FMN2: variants seen among roughly 807,000 people sequenced by gnomAD.
The protein encoded by FMN2 is formin-2.
Under a neutral mutation model 142.3 loss-of-function variants are expected in FMN2, and 51 were observed. The observed-to-expected ratio is 0.36, with a 90% confidence interval of 0.29 to 0.45. The LOEUF (loss-of-function observed/expected upper bound fraction) is 0.45, where lower values mean the gene tolerates loss of function less well. Among genes scored for constraint, FMN2 ranks in the 20% least tolerant of loss-of-function variants. The probability of loss-of-function intolerance (pLI) is 1.00; values close to 1 mark genes in which losing one functional copy is unlikely to be tolerated. For missense variants in FMN2, 1,936 were observed against 2,122.8 expected (o/e 0.91, Z 1.73); for synonymous variants, 882 against 869.8 (o/e 1.01, Z -0.25).
At chr1:240,195,880 C>T (rs547272103) in intron 4 of FMN2, among the ~76,000 whole-genome samples, 1 of 152,052 alleles carries the variant, frequency 6.6e-6, no homozygotes, top group East Asian at 1.9e-4. Flanking sequence ...AAACAGCTGG[C>T]CATGGTGGCA....
At chr1:240,295,210 A>T (rs76354578) in intron 8 of FMN2, among the ~76,000 whole-genome samples, 4 of 120,136 alleles carry the variant, frequency 3.3e-5, no homozygotes, top group South Asian at 5.5e-4. Flanking sequence ...ACACACACAC[A>T]CACACACACA....
intron 8 of FMN2, among the ~76,000 whole-genome samples, chr1:240,303,357 A>G (rs1434683099): frequency 6.6e-6 from 1 of 152,186 alleles, no homozygotes; most frequent in Non-Finnish European, 1.5e-5. Context: ...AGTGATAATA[A>G]ACTTTTCCAG....
intron 2 of FMN2, among the ~76,000 whole-genome samples, chr1:240,129,148 A>G (rs903424353): frequency 1.5e-4 from 23 of 152,138 alleles, no homozygotes; most frequent in Non-Finnish European, 2.2e-4. Flanking sequence ...TGCTGGGATT[A>G]TAGGTGTGAG....
chr1:240,352,453 G>C (rs974008414), intron 13 of FMN2, among the ~76,000 whole-genome samples: 6 of 152,072 alleles, frequency 3.9e-5, no homozygotes, highest in African/African-American at 1.4e-4. Context: ...GTGGTGGCAG[G>C]CGCCTGTAAT....
intron 16 of FMN2, among the ~76,000 whole-genome samples, chr1:240,453,302 C>T (rs1247294009): frequency 1.3e-5 from 2 of 152,148 alleles, no homozygotes; most frequent in African/African-American, 2.4e-5. Context: ...AGCCACCCTT[C>T]CTTAGGTTTG....
chr1:240,159,608 T>G (rs1404578847), intron 2 of FMN2, among the ~76,000 whole-genome samples: 1 of 152,100 alleles, frequency 6.6e-6, no homozygotes, highest in South Asian at 2.1e-4. Flanking sequence ...ATCCAACTTG[T>G]AGCCATGTCG....
chr1:240,168,576 G>A (rs768240606), intron 2 of FMN2, among the ~76,000 whole-genome samples: 2 of 152,146 alleles, frequency 1.3e-5, no homozygotes, highest in Non-Finnish European at 2.9e-5. Context: ...GCCACAGAAT[G>A]AGACCCCATC....
intron 7 of FMN2, among the ~76,000 whole-genome samples, chr1:240,264,669 A>T (rs943046948): frequency 3.3e-5 from 5 of 152,134 alleles, no homozygotes; most frequent in African/African-American, 1.2e-4. Flanking sequence ...GCTGAGAATG[A>T]TGGTTTCCAG....
At chr1:240,375,443 A>G (rs1673011560) in intron 14 of FMN2, among the ~76,000 whole-genome samples, 1 of 152,252 alleles carries the variant, frequency 6.6e-6, no homozygotes, top group Non-Finnish European at 1.5e-5. Context: ...TATACCTGCA[A>G]TGAGATGTTA....
At chr1:240,416,537 T>C (rs946976075) in intron 15 of FMN2, among the ~76,000 whole-genome samples, 14 of 152,188 alleles carry the variant, frequency 9.2e-5, no homozygotes, top group African/African-American at 3.4e-4. Flanking sequence ...CCCAAAGTGC[T>C]GGGATTACAG....
At position 240,329,451 on chromosome 1, in the gene FMN2, C is replaced by T. The variant is rs771955130; in HGVS notation, c.4420C>T (p.Leu1474=). ...ICSIRRKLEL[L]QKLCETLKNG... ...CTCAATTCGTCGCAAACTGGAATTACTACAGAAATTGTGTGAGGTGAGTTC... is the reference window on the plus strand; with the variant it reads ...CTCAATTCGTCGCAAACTGGAATTATTACAGAAATTGTGTGAGGTGAGTTC... The change falls in exon 10 of 18, where the codon CTA becomes TTA. Residue 1474 remains leucine (L), a synonymous_variant. Coordinates refer to ENST00000319653, the MANE Select transcript of FMN2 (RefSeq NM_020066.5). 3.1e-6 allele frequency: 5 copies of T among 1,613,934 alleles called. No homozygotes were observed. The East Asian group carries it at 8.9e-5, about 29-fold the overall frequency.
At chr1:240,463,969 C>G (rs1463616180) in intron 16 of FMN2, among the ~76,000 whole-genome samples, 2 of 151,936 alleles carry the variant, frequency 1.3e-5, no homozygotes, top group Non-Finnish European at 1.5e-5. Flanking sequence ...TGCTACTGTA[C>G]TCCAGTCTGG....
chr1:240,472,241 C>T, intron 16 of FMN2, 131 bp from the exon 17 acceptor site: 1 of 657,978 alleles, frequency 1.5e-6, no homozygotes, highest in East Asian at 2.9e-5. Context: ...AGATAACATT[C>T]TTCTGTGTAT....
chr1:240,441,508 TCCTATTTACTATCAA>T (rs534745271), intron 16 of FMN2, among the ~76,000 whole-genome samples: 106 of 152,250 alleles, frequency 7.0e-4, no homozygotes, highest in African/African-American at 2.4e-3. Flanking sequence ...TGTACTCCTA[TCCTATTTACTATCAA>T]CCTATTTTCT....
chr1:240,196,223 G>A (rs1485702902), intron 4 of FMN2, among the ~76,000 whole-genome samples: 3 of 152,212 alleles, frequency 2.0e-5, no homozygotes, highest in African/African-American at 7.2e-5. Context: ...AGGGAATGTA[G>A]AATGATAGGA....
At chr1:240,448,765 G>T (rs2103203132) in intron 16 of FMN2, among the ~76,000 whole-genome samples, 1 of 152,228 alleles carries the variant, frequency 6.6e-6, no homozygotes, top group South Asian at 2.1e-4. Context: ...AGGCAGCAGT[G>T]AGCCATGATT....
chr1:240,173,585 A>T (rs558192630), intron 2 of FMN2, among the ~76,000 whole-genome samples: 1 of 152,216 alleles, frequency 6.6e-6, no homozygotes, highest in African/African-American at 2.4e-5. Context: ...TTGGTTTAGG[A>T]AACAAGAAAT....
chr1:240,396,791 A>G (rs1673795633), intron 15 of FMN2, among the ~76,000 whole-genome samples: 1 of 152,152 alleles, frequency 6.6e-6, no homozygotes, highest in Non-Finnish European at 1.5e-5. Flanking sequence ...GATTTCATTC[A>G]TTTTATAGTT....
intron 16 of FMN2, chr1:240,458,928 A>C (rs1235677761): frequency 2.0e-5 from 3 of 152,172 alleles, no homozygotes; most frequent in Non-Finnish European, 4.4e-5. Context: ...GTATCAAGTG[A>C]GCTGCTTTTG....
Sources: allele counts gnomAD v4.1 joint callset (sites outside exome capture counted in the v4.1 genomes callset), GRCh38; gene constraint gnomAD v4.1.1; transcripts MANE v1.5; gene names NCBI Gene and HGNC (gene_info 2026-07-23, HGNC 2026-07-21).